The following KCNK5 variants were observed in gnomAD, a reference collection of about 807,000 sequenced individuals.
KCNK5 encodes potassium channel subfamily K member 5.
In KCNK5, 18 loss-of-function variants were observed where a neutral mutation model predicts 32.9. The ratio of observed to expected loss-of-function variants is 0.55; its 90% CI spans 0.38 to 0.81. The LOEUF is 0.81. KCNK5 is among the 30% of genes least tolerant of loss of function. The pLI, the probability that KCNK5 is intolerant of heterozygous loss-of-function variation, is 0.00. For missense variants in KCNK5, 507 were observed against 651.0 expected (o/e 0.78, Z 2.41); for synonymous variants, 276 against 275.3 (o/e 1.00, Z -0.03).
At chr6:39,200,224 G>A (rs1292400847) in intron 1 of KCNK5, among the ~76,000 whole-genome samples, 1 of 152,164 alleles carries the variant, frequency 6.6e-6, no homozygotes, top group Non-Finnish European at 1.5e-5. Flanking sequence ...AAATTCACAC[G>A]AGACAATATT....
rs1771727699 is a variant in KCNK5 at position 39,229,248 on chromosome 6, A to G, written c.-137T>C. 9 of 888,918 alleles carry G rather than the reference A, an allele frequency of 1.0e-5. 1 individual carries two copies. In the South Asian group the frequency reaches 1.4e-4, roughly 14 times the overall value. 55.1% of individuals were successfully genotyped at this position (888,918 alleles called of 1,614,324 possible). On this transcript the variant is annotated 5_prime_UTR_variant, in exon 1 of 5. Transcript: ENST00000359534. ...GCAGTGCCCGGTACTCACCCCCCGC[A>G]AGCACCGCTCCCCGGACAGAGTTGC...
intron 1 of KCNK5, among the ~76,000 whole-genome samples, chr6:39,226,979 G>A (rs1182337096): frequency 9.9e-5 from 15 of 151,920 alleles, no homozygotes; most frequent in Admixed American, 9.8e-4. Flanking sequence ...TTTGGTAGGG[G>A]GGTAAATGTT....
At chr6:39,206,435 C>T (rs1013533169) in intron 1 of KCNK5, among the ~76,000 whole-genome samples, 7 of 152,168 alleles carry the variant, frequency 4.6e-5, no homozygotes, top group Non-Finnish European at 1.0e-4. Flanking sequence ...AGGAAGCCAC[C>T]AGCCACTCAA....
At chr6:39,192,402 T>A (rs1770957645) in intron 4 of KCNK5, among the ~76,000 whole-genome samples, 1 of 152,032 alleles carries the variant, frequency 6.6e-6, no homozygotes, top group African/African-American at 2.4e-5. Context: ...CATGAGTATT[T>A]GCCTTTCTGT....
chr6:39,217,140 A>AAAAAAG (rs1562057367), intron 1 of KCNK5, among the ~76,000 whole-genome samples: 7 of 146,304 alleles, frequency 4.8e-5, no homozygotes, highest in Non-Finnish European at 9.1e-5. Flanking sequence ...AAAAAAAAAA[A>AAAAAAG]AAAGAAAGAA....
chr6:39,224,806 A>G (rs1283940312), intron 1 of KCNK5, among the ~76,000 whole-genome samples: 1 of 152,160 alleles, frequency 6.6e-6, no homozygotes, highest in African/African-American at 2.4e-5. Context: ...AGAAACCTGC[A>G]GTCTGCCTTC....
intron 1 of KCNK5, among the ~76,000 whole-genome samples, chr6:39,217,075 A>G (rs986730349): frequency 1.5e-5 from 2 of 133,394 alleles, no homozygotes; most frequent in African/African-American, 5.3e-5. Flanking sequence ...AGCCGAGATC[A>G]TGCCATTGCT....
intron 1 of KCNK5, among the ~76,000 whole-genome samples, chr6:39,210,276 T>C (rs1306878843): frequency 2.0e-5 from 3 of 152,134 alleles, no homozygotes; most frequent in African/African-American, 4.8e-5. Flanking sequence ...GACCAAGCAG[T>C]GGACTGCCAG....
chr6:39,226,543 C>T (rs577280840), intron 1 of KCNK5, among the ~76,000 whole-genome samples: 1 of 152,282 alleles, frequency 6.6e-6, no homozygotes, highest in East Asian at 1.9e-4. Flanking sequence ...GGTTGTACCC[C>T]AGGAATTCCT....
At position 39,191,672 on chromosome 6, in the gene KCNK5, G is replaced by C. The variant is rs1303103841; in HGVS notation, c.718C>G (p.Leu240Val). Residue 240 changes from leucine (L) to valine (V), a missense_variant, in exon 5 of 5, where the codon CTT (leucine) becomes GTT (valine). Physicochemically the swap from Leu to Val is conservative, Grantham distance 32 (BLOSUM62 1). Around this residue, in one of 6 missense-constraint regions of KCNK5, gnomAD observed 45 missense variants for 107.6 expected, o/e 0.42. Transcript: ENST00000359534. This position sits in a 1 kb window ranked among gnomAD's most constrained non-coding sequence, Gnocchi z 5.8. Reference sequence around the variant, plus strand: ...ATGCTCACCTTCCAGTTGACAAAAAGGGACAGCCAGGCCAGCCCCAAGTAG... The same window carrying C: ...ATGCTCACCTTCCAGTTGACAAAAACGGACAGCCAGGCCAGCCCCAAGTAG... Reference protein sequence around the residue: ...WIYLGLAWLSLFVNWKVSMFV... With the variant: ...WIYLGLAWLSVFVNWKVSMFV... The C allele has an allele frequency of 6.2e-7, 1 of 1,613,940 alleles. No individual in the cohort carries two copies. Among genetic ancestry groups the C allele is most frequent in the South Asian group, 1.1e-5 (1 of 91,072 alleles).
intron 1 of KCNK5, among the ~76,000 whole-genome samples, chr6:39,223,748 A>G (rs1254815986): frequency 1.3e-5 from 2 of 152,214 alleles, no homozygotes; most frequent in Non-Finnish European, 2.9e-5. Context: ...TCTGCCAGCA[A>G]ACAGCCAAGT....
intron 1 of KCNK5, among the ~76,000 whole-genome samples, chr6:39,217,397 G>C (rs1771462456): frequency 6.6e-6 from 1 of 152,196 alleles, no homozygotes; most frequent in Non-Finnish European, 1.5e-5. Flanking sequence ...CGATCTCACT[G>C]TCAGGATCCT....
chr6:39,191,854 G>T lies in KCNK5; in HGVS notation c.635-99C>A. 1 of 1,305,214 alleles carries T rather than the reference G, an allele frequency of 7.7e-7. No homozygotes were observed. Among genetic ancestry groups the T allele is most frequent in the Non-Finnish European group, 1.1e-6 (1 of 940,936 alleles). The allele number at this position is 1,305,214 out of a possible 1,614,324, so 80.9% of individuals were successfully genotyped here. ...TGATCTGAGCAGGGGTCAGGCCAGA[G>T]CACAGGACGGGGGTGCAGTGGGATA... On this transcript the variant is annotated intron_variant, in intron 4 of 4. Transcript: ENST00000359534. The surrounding 1 kb of genome is among the most constrained non-coding windows in gnomAD (Gnocchi z 5.8).
chr6:39,200,967 T>TG (rs1368895057), intron 1 of KCNK5, among the ~76,000 whole-genome samples: 2 of 151,808 alleles, frequency 1.3e-5, no homozygotes, highest in Non-Finnish European at 2.9e-5. Flanking sequence ...CTTTACGGGG[T>TG]GGGGTAAGGG....
intron 1 of KCNK5, among the ~76,000 whole-genome samples, chr6:39,203,319 T>C (rs1771163322): frequency 6.6e-6 from 1 of 152,242 alleles, no homozygotes; most frequent in South Asian, 2.1e-4. Context: ...TCCAGAGATG[T>C]TCCCTGGCCA....
intron 1 of KCNK5, among the ~76,000 whole-genome samples, chr6:39,200,295 C>T (rs971852868): frequency 1.3e-5 from 2 of 152,128 alleles, no homozygotes; most frequent in African/African-American, 4.8e-5. Flanking sequence ...AAAGCTCAGG[C>T]CCAGCTCTTG....
At chr6:39,192,830 C>T (rs1430261018) in intron 4 of KCNK5, among the ~76,000 whole-genome samples, 1 of 152,142 alleles carries the variant, frequency 6.6e-6, no homozygotes, top group Non-Finnish European at 1.5e-5. Flanking sequence ...ATTCCATTTG[C>T]CCCCTCGACT....
chr6:39,206,327 A>G (rs1257283096), intron 1 of KCNK5, among the ~76,000 whole-genome samples: 1 of 152,218 alleles, frequency 6.6e-6, no homozygotes, highest in Non-Finnish European at 1.5e-5. Context: ...ACCTGACTAT[A>G]TGAGTTAGGG....
At chr6:39,213,728 A>AC (rs1207577318) in intron 1 of KCNK5, among the ~76,000 whole-genome samples, 2 of 152,134 alleles carry the variant, frequency 1.3e-5, no homozygotes, top group African/African-American at 4.8e-5. Flanking sequence ...GGTGGCTCAC[A>AC]CCTATAATCC....
Sources: gnomAD v4.1 joint callset for allele counts (sites outside exome capture counted in the v4.1 genomes callset) on GRCh38, gnomAD v4.1.1 for gene constraint, gnomAD v4.1.1 regional missense constraint, Gnocchi (gnomAD v3.1) non-coding constraint, MANE v1.5 for transcripts, NCBI Gene and HGNC (gene_info 2026-07-23, HGNC 2026-07-21) for gene names.